The following SPATA31H1 variants were observed in gnomAD, a reference collection of about 807,000 sequenced individuals.
SPATA31H1 encodes the protein spermatogenesis-associated protein 31H1.
chr2:27,571,518 G>T, the SPATA31H1 span: 1 of 398,436 alleles, frequency 2.5e-6, no homozygotes, highest in Non-Finnish European at 4.4e-6. Context: ...TGAGGAGTTG[G>T]TCCTAGGTAC....
the SPATA31H1 span, among the ~76,000 whole-genome samples, chr2:27,559,149 T>TAAAACTC: frequency 6.6e-6 from 1 of 152,334 alleles, no homozygotes; most frequent in East Asian, 1.9e-4. Flanking sequence ...AAATTCAAGG[T>TAAAACTC]TCTGGATAAA....
the SPATA31H1 span, among the ~76,000 whole-genome samples, chr2:27,543,315 A>G: frequency 1.3e-5 from 2 of 152,072 alleles, no homozygotes; most frequent in African/African-American, 4.8e-5. Context: ...TTTTAGATAA[A>G]TTTTATTTTA....
chr2:27,538,993 ATGTT>A, the SPATA31H1 span, among the ~76,000 whole-genome samples: 1 of 151,914 alleles, frequency 6.6e-6, no homozygotes, highest in African/African-American at 2.4e-5. Context: ...ATTGGGGTGA[ATGTT>A]TGGATGTGGA....
At chr2:27,567,246 A>G in the SPATA31H1 span, 1 of 616,422 alleles carries the variant, frequency 1.6e-6, no homozygotes, top group East Asian at 2.7e-5. Flanking sequence ...AAGGTGGGCT[A>G]CATTCAAGCT....
the SPATA31H1 span, among the ~76,000 whole-genome samples, chr2:27,541,152 C>T: frequency 6.6e-6 from 1 of 150,496 alleles, no homozygotes; most frequent in Admixed American, 6.6e-5. Context: ...CTCGGGAGGC[C>T]GAGGCTGGCG....
At chr2:27,549,653 T>C in the SPATA31H1 span, among the ~76,000 whole-genome samples, 1 of 151,598 alleles carries the variant, frequency 6.6e-6, no homozygotes, top group South Asian at 2.1e-4. Context: ...CTACTAAAAA[T>C]ACAAAAAATT....
chr2:27,580,704 G>T, the SPATA31H1 span: 1 of 1,614,206 alleles, frequency 6.2e-7, no homozygotes, highest in Middle Eastern at 1.6e-4. Context: ...GCCTGTGGAC[G>T]GGACAAGGCC....
chr2:27,560,708 C>G, the SPATA31H1 span, among the ~76,000 whole-genome samples: 1 of 152,152 alleles, frequency 6.6e-6, no homozygotes, highest in Non-Finnish European at 1.5e-5. Flanking sequence ...CCGCCTGCCT[C>G]GGCCTCCCAA....
chr2:27,575,039 G>A, the SPATA31H1 span: 4 of 398,540 alleles, frequency 1.0e-5, no homozygotes, highest in South Asian at 1.3e-4. This position sits in a 1 kb window ranked among gnomAD's most constrained non-coding sequence, Gnocchi z 4.1. Flanking sequence ...CAACTTCACA[G>A]TTACAAGATA....
the SPATA31H1 span, chr2:27,580,604 T>G: frequency 6.2e-7 from 1 of 1,614,138 alleles, no homozygotes; most frequent in Non-Finnish European, 8.5e-7. Context: ...CTAAGAAACC[T>G]TCCCAACCCA....
chr2:27,544,956 A>C, the SPATA31H1 span, among the ~76,000 whole-genome samples: 85 of 152,154 alleles, frequency 5.6e-4, 1 homozygote, highest in African/African-American at 1.9e-3. Context: ...TGTGGCATTA[A>C]AAATAGCCAA....
At chr2:27,570,419 G>T in the SPATA31H1 span, 1 of 398,926 alleles carries the variant, frequency 2.5e-6, no homozygotes, top group Non-Finnish European at 4.4e-6. Context: ...GGCCAAAGCT[G>T]CAAGGTGTCA....
chr2:27,579,464 T>G, the SPATA31H1 span: 56 of 1,614,250 alleles, frequency 3.5e-5, no homozygotes, highest in Admixed American at 5.0e-5. Context: ...AGAGACATAC[T>G]TTTTATCATG....
the SPATA31H1 span, chr2:27,577,077 T>C: frequency 6.2e-7 from 1 of 1,614,138 alleles, no homozygotes; most frequent in Non-Finnish European, 8.5e-7. The surrounding 1 kb of genome is among the most constrained non-coding windows in gnomAD (Gnocchi z 4.5). Flanking sequence ...AGGATTGGCA[T>C]ATAAAGGCAT....
chr2:27,567,171 A>T, the SPATA31H1 span: 1 of 659,536 alleles, frequency 1.5e-6, no homozygotes, highest in Non-Finnish European at 2.8e-6. Flanking sequence ...TGAGAGAATG[A>T]GCAAGAGTCA....
the SPATA31H1 span, chr2:27,576,725 G>C: frequency 6.2e-7 from 1 of 1,614,016 alleles, no homozygotes; most frequent in South Asian, 1.1e-5. Flanking sequence ...TTTCAAATTT[G>C]TCTCCAGAAT....
chr2:27,566,090 C>T, the SPATA31H1 span: 6 of 717,508 alleles, frequency 8.4e-6, no homozygotes, highest in Non-Finnish European at 1.6e-5. Context: ...CTGAAGCTAA[C>T]CTGACATGGT....
the SPATA31H1 span, chr2:27,578,885 G>C: frequency 6.2e-7 from 1 of 1,614,134 alleles, no homozygotes; most frequent in Non-Finnish European, 8.5e-7. Flanking sequence ...AAAACCCTGG[G>C]ACAGATATTT....
At chr2:27,574,820 A>G in the SPATA31H1 span, 6 of 398,112 alleles carry the variant, frequency 1.5e-5, no homozygotes, top group Admixed American at 2.2e-4. Context: ...CTAACTCAAT[A>G]ATGGGGACAG....
Sources: gnomAD v4.1 joint callset for allele counts (sites outside exome capture counted in the v4.1 genomes callset) on GRCh38, gnomAD v4.1.1 for gene constraint, Gnocchi (gnomAD v3.1) non-coding constraint, MANE v1.5 for transcripts, NCBI Gene and HGNC (gene_info 2026-07-23, HGNC 2026-07-21) for gene names.